Variants in SORCS1 observed in about 807,000 individuals in gnomAD.
SORCS1 encodes sortilin related VPS10 domain containing receptor 1.
In SORCS1, 60 loss-of-function variants were observed where a neutral mutation model predicts 146.1. That is an observed-to-expected ratio of 0.41 (90% CI 0.33 to 0.51). The LOEUF (loss-of-function observed/expected upper bound fraction) is 0.51. Among genes scored for constraint, SORCS1 ranks in the 20% least tolerant of loss-of-function variants. The pLI is 0.21. For missense variants in SORCS1, 1,352 were observed against 1,487.6 expected (o/e 0.91, Z 1.50); for synonymous variants, 637 against 584.0 (o/e 1.09, Z -1.31).
In SORCS1 at chr10:106,679,675, G is replaced by A. The variant is rs779686703; in HGVS notation, c.1620C>T (p.Ile540=). ...KVSENPYTSG[I]IASKDTAPSI... is the part of the protein sequence containing the mutation. ...TTGGAGCTGTGTCTTTGCTGGCAAT[G>A]ATCCCTGATGTGTAGGGATTCTCAG... The change falls in exon 11 of 26, where the codon ATC becomes ATT. Residue 540 remains isoleucine, a synonymous_variant. Coordinates refer to ENST00000263054, the MANE Select transcript of SORCS1 (RefSeq NM_052918.5). The A allele has an allele frequency of 1.9e-6, 3 of 1,612,680 alleles. No homozygotes were observed. The highest frequency in any genetic ancestry group is 2.5e-6 in the Non-Finnish European group (3 of 1,179,338).
At chr10:106,636,932 G>A (rs1161220948) in intron 18 of SORCS1, among the ~76,000 whole-genome samples, 2 of 152,208 alleles carry the variant, frequency 1.3e-5, no homozygotes, top group Non-Finnish European at 2.9e-5. Flanking sequence ...ACTGATGTGT[G>A]AAACCAAAGA....
At chr10:107,008,906 G>T (rs1957568304) in intron 1 of SORCS1, among the ~76,000 whole-genome samples, 1 of 152,206 alleles carries the variant, frequency 6.6e-6, no homozygotes, top group Admixed American at 6.5e-5. Flanking sequence ...CTCAGGCAGG[G>T]GAATCACTTG....
chr10:106,860,083 G>A (rs746077269), intron 2 of SORCS1, among the ~76,000 whole-genome samples: 1 of 152,214 alleles, frequency 6.6e-6, no homozygotes, highest in Non-Finnish European at 1.5e-5. Flanking sequence ...AGCTGAGTTT[G>A]TGTTGGGTAG....
chr10:106,713,231 C>T (rs1187375024), intron 6 of SORCS1, among the ~76,000 whole-genome samples: 4 of 152,122 alleles, frequency 2.6e-5, no homozygotes, highest in African/African-American at 9.7e-5. Flanking sequence ...TGGTACTGAG[C>T]CTCAAGCTGC....
chr10:106,844,412 A>G (rs1308014210), intron 2 of SORCS1, among the ~76,000 whole-genome samples: 2 of 151,898 alleles, frequency 1.3e-5, no homozygotes, highest in African/African-American at 4.8e-5. Context: ...ATTTTCTTCT[A>G]TGTTTTCTTC....
intron 3 of SORCS1, among the ~76,000 whole-genome samples, chr10:106,778,596 A>C (rs530967932): frequency 6.6e-6 from 1 of 152,334 alleles, no homozygotes; most frequent in African/African-American, 2.4e-5. Flanking sequence ...TGAATACATA[A>C]AACCTGTCAT....
intron 24 of SORCS1, among the ~76,000 whole-genome samples, chr10:106,580,884 T>C (rs1217264450): frequency 1.3e-5 from 2 of 152,158 alleles, no homozygotes; most frequent in African/African-American, 4.8e-5. Context: ...TCAGGAGAGT[T>C]GGCTTTCAGG....
At chr10:107,084,882 A>C (rs1159942910) in intron 1 of SORCS1, among the ~76,000 whole-genome samples, 1 of 152,204 alleles carries the variant, frequency 6.6e-6, no homozygotes, top group Non-Finnish European at 1.5e-5. Flanking sequence ...CCTGGAAAAC[A>C]CTAGAATCAA....
chr10:107,028,207 AAAAGGAATTCC>A (rs1185865069), intron 1 of SORCS1, among the ~76,000 whole-genome samples: 1 of 152,220 alleles, frequency 6.6e-6, no homozygotes, highest in Non-Finnish European at 1.5e-5. Flanking sequence ...CAGATGGTTG[AAAAGGAATTCC>A]AGCGTTTACA....
At chr10:107,128,448 G>C (rs1272456887) in intron 1 of SORCS1, among the ~76,000 whole-genome samples, 1 of 152,178 alleles carries the variant, frequency 6.6e-6, no homozygotes, top group Non-Finnish European at 1.5e-5. Flanking sequence ...GAAATCATCA[G>C]TCCTGTAAGT....
At chr10:107,089,775 A>G (rs953249226) in intron 1 of SORCS1, among the ~76,000 whole-genome samples, 4 of 152,230 alleles carry the variant, frequency 2.6e-5, no homozygotes, top group African/African-American at 9.6e-5. Context: ...ATATTTTCCC[A>G]AACCCCATCT....
At chr10:106,595,380 C>T (rs1178505521) in intron 24 of SORCS1, among the ~76,000 whole-genome samples, 1 of 152,108 alleles carries the variant, frequency 6.6e-6, no homozygotes, top group Non-Finnish European at 1.5e-5. Context: ...TTGCTCCTTA[C>T]ACTCATCTTT....
At chr10:106,696,263 A>G (rs1853697895) in intron 9 of SORCS1, among the ~76,000 whole-genome samples, 1 of 152,142 alleles carries the variant, frequency 6.6e-6, no homozygotes, top group African/African-American at 2.4e-5. Context: ...TTAGTAATTC[A>G]TTTATGGATT....
chr10:106,927,909 G>A (rs1953150001), intron 2 of SORCS1, among the ~76,000 whole-genome samples: 2 of 152,246 alleles, frequency 1.3e-5, no homozygotes, highest in East Asian at 1.9e-4. Flanking sequence ...AGAGTAGCTG[G>A]ATGCAAAGTG....
In SORCS1 at chr10:107,049,419, TA is replaced by T. The variant is rs1322945063; in HGVS notation, c.559-92840del. 5.3e-5 allele frequency among the ~76,000 whole-genome samples: 8 copies of T among 151,744 alleles called. 1 individual carries two copies. The Middle Eastern group carries it at 0.024, about 452-fold the overall frequency. Reference sequence around the variant, plus strand: ...ATGTACCCTAAAACTTAAGGTATAATAAAAAAAATACACCCCAGGGCAGGTG... The same window carrying T: ...ATGTACCCTAAAACTTAAGGTATAATAAAAAAATACACCCCAGGGCAGGTG... On this transcript the variant is annotated intron_variant, in intron 1 of 25. Coordinates refer to ENST00000263054, the MANE Select transcript of SORCS1 (RefSeq NM_052918.5).
intron 3 of SORCS1, among the ~76,000 whole-genome samples, chr10:106,825,844 T>A (rs964306102): frequency 2.0e-5 from 3 of 152,138 alleles, no homozygotes; most frequent in Non-Finnish European, 4.4e-5. Context: ...TAACCTCATA[T>A]ATCAGCGGCC....
intron 6 of SORCS1, among the ~76,000 whole-genome samples, chr10:106,715,446 A>G (rs1005238622): frequency 1.3e-5 from 2 of 152,222 alleles, no homozygotes; most frequent in Non-Finnish European, 2.9e-5. Context: ...GCTTTTAAAA[A>G]GGTAGGCTTT....
intron 21 of SORCS1, among the ~76,000 whole-genome samples, chr10:106,615,397 C>T (rs748651157): frequency 2.0e-5 from 3 of 152,174 alleles, no homozygotes; most frequent in Non-Finnish European, 2.9e-5. Flanking sequence ...CCAGTATTTT[C>T]CCACTAGCTA....
chr10:106,762,359 TTTTC>T (rs1024059114), intron 4 of SORCS1, among the ~76,000 whole-genome samples: 17 of 151,880 alleles, frequency 1.1e-4, no homozygotes, highest in Non-Finnish European at 2.2e-4. Flanking sequence ...ATCTGTAACT[TTTTC>T]TTTCTAAGTC....
Sources: allele counts gnomAD v4.1 joint callset (sites outside exome capture counted in the v4.1 genomes callset), GRCh38; gene constraint gnomAD v4.1.1; transcripts MANE v1.5; gene names NCBI Gene and HGNC (gene_info 2026-07-23, HGNC 2026-07-21).